DSCAM: variants seen among roughly 807,000 people sequenced by gnomAD.
DSCAM encodes the protein DS cell adhesion molecule.
A neutral mutation model predicts 217.7 loss-of-function variants in DSCAM; 47 were observed. That is an observed-to-expected ratio of 0.22 (90% CI 0.17 to 0.28). The LOEUF is 0.28. DSCAM is among the 10% of genes least tolerant of loss of function. The pLI, the probability that DSCAM is intolerant of heterozygous loss-of-function variation, is 1.00. For synonymous variants in DSCAM, 1,056 were observed against 1,015.3 expected, an observed-to-expected ratio of 1.04 and a Z score of -0.76; for missense variants, 2,080 against 2,618.3, an observed-to-expected ratio of 0.79 and a Z score of 4.49.
At chr21:40,263,623 T>C (rs1462616892) in intron 11 of DSCAM, among the ~76,000 whole-genome samples, 1 of 152,054 alleles carries the variant, frequency 6.6e-6, no homozygotes, top group African/African-American at 2.4e-5. Flanking sequence ...AGATCAGAAG[T>C]TGACAACCTA....
intron 21 of DSCAM, among the ~76,000 whole-genome samples, chr21:40,092,050 A>G (rs2089617444): frequency 6.6e-6 from 1 of 152,148 alleles, no homozygotes; most frequent in Non-Finnish European, 1.5e-5. Context: ...AACCATCTCA[A>G]AAGACTCCTC....
At chr21:40,434,170 G>A (rs988579694) in intron 3 of DSCAM, among the ~76,000 whole-genome samples, 83 of 152,114 alleles carry the variant, frequency 5.5e-4, no homozygotes, top group Non-Finnish European at 4.9e-4. Flanking sequence ...ACATGATCAC[G>A]TGGTGGCAGA....
chr21:40,735,244 C>G (rs894741097), intron 1 of DSCAM, among the ~76,000 whole-genome samples: 2 of 152,186 alleles, frequency 1.3e-5, no homozygotes, highest in Non-Finnish European at 2.9e-5. Context: ...GGCACTGATA[C>G]AAGCTAGATG....
intron 3 of DSCAM, among the ~76,000 whole-genome samples, chr21:40,606,800 C>T (rs1423092560): frequency 6.6e-6 from 1 of 152,180 alleles, no homozygotes; most frequent in Non-Finnish European, 1.5e-5. Flanking sequence ...CTTGAATTCC[C>T]ACATATTTTG....
intron 10 of DSCAM, among the ~76,000 whole-genome samples, chr21:40,287,604 A>G (rs1180629157): frequency 6.6e-6 from 1 of 152,200 alleles, no homozygotes; most frequent in Non-Finnish European, 1.5e-5. Flanking sequence ...CGTTTAGTTA[A>G]CTGTCTGGAG....
intron 3 of DSCAM, among the ~76,000 whole-genome samples, chr21:40,406,452 C>G (rs528631246): frequency 6.6e-6 from 1 of 152,168 alleles, no homozygotes; most frequent in Non-Finnish European, 1.5e-5. Context: ...CCATGAAATA[C>G]AACTCAGCCT....
intron 20 of DSCAM, among the ~76,000 whole-genome samples, chr21:40,110,811 A>T (rs1364251291): frequency 6.6e-6 from 1 of 152,256 alleles, no homozygotes; most frequent in Non-Finnish European, 1.5e-5. Flanking sequence ...AAGAAAGGGT[A>T]TCAGTGATGG....
chr21:40,298,100 T>TTTTTTTTA (rs2073975331), intron 9 of DSCAM, among the ~76,000 whole-genome samples: 3 of 151,138 alleles, frequency 2.0e-5, no homozygotes, highest in South Asian at 2.1e-4. Context: ...TTTTTTTTTT[T>TTTTTTTTA]GAGATGGAGT....
At chr21:40,804,820 C>T (rs887390118) in intron 1 of DSCAM, among the ~76,000 whole-genome samples, 3 of 152,100 alleles carry the variant, frequency 2.0e-5, no homozygotes, top group African/African-American at 7.2e-5. Flanking sequence ...GTCAACATTC[C>T]CCTCCATCTA....
At chr21:40,377,744 C>T (rs943549072) in intron 3 of DSCAM, among the ~76,000 whole-genome samples, 1 of 151,944 alleles carries the variant, frequency 6.6e-6, no homozygotes, top group Admixed American at 6.6e-5. Flanking sequence ...CAAGAAAAGA[C>T]CCAGGAAAGG....
Position 40,180,458 on chromosome 21 carries a change from A to G in DSCAM, c.2780-1364T>C, listed in dbSNP as rs561753355. On this transcript the variant is annotated intron_variant, in intron 14 of 32. Coordinates refer to ENST00000400454, the MANE Select transcript of DSCAM (RefSeq NM_001389.5). ...TTAGAGGTGGAAAAACATGAAATAC[A>G]AAGAGTTGGAAAAAAATTGACAAGG... is the stretch of plus-strand genomic sequence containing the variant. Among the ~76,000 whole-genome samples, 4 of 152,328 alleles carry G rather than the reference A, an allele frequency of 2.6e-5. No individual in the cohort carries two copies. In the East Asian group the frequency reaches 7.7e-4, roughly 29 times the overall value.
At position 40,570,357 on chromosome 21, in the gene DSCAM, A is replaced by ACAGCC. The variant is rs1330756768; in HGVS notation, c.508+122448_508+122452dup. On this transcript the variant is annotated intron_variant, in intron 3 of 32. Coordinates refer to ENST00000400454, the MANE Select transcript of DSCAM (RefSeq NM_001389.5). Reference sequence around the variant, plus strand: ...TCCTAACTCTGCAACAGAGCCCAGCACAGCCCAGCCACATGTCAGATTGAC... The same window carrying ACAGCC: ...TCCTAACTCTGCAACAGAGCCCAGCACAGCCCAGCCCAGCCACATGTCAGATTGAC... Among the ~76,000 whole-genome samples the ACAGCC allele has an allele frequency of 2.0e-5, 3 of 152,226 alleles. No individual in the cohort carries two copies. The East Asian group carries it at 5.8e-4, about 29-fold the overall frequency.
intron 9 of DSCAM, among the ~76,000 whole-genome samples, chr21:40,297,096 G>A (rs1644338115): frequency 6.6e-6 from 1 of 152,016 alleles, no homozygotes; most frequent in Non-Finnish European, 1.5e-5. Context: ...GGCCAAAGGG[G>A]GACTGTGGAG....
chr21:40,037,591 C>T lies in DSCAM; in HGVS notation c.5686+4780G>A, dbSNP rs920246734. 3.0e-4 allele frequency among the ~76,000 whole-genome samples: 44 copies of T among 149,124 alleles called. 1 individual carries two copies. The highest frequency in any genetic ancestry group is 7.7e-5 in the African/African-American group (3 of 38,820). ...AATATCGTGAAAATGGCCATACTGC[C>T]CAAGGTAATTTACAGATTCAATGCC... On this transcript the variant is annotated intron_variant, in intron 32 of 32. Coordinates refer to ENST00000400454, the MANE Select transcript of DSCAM (RefSeq NM_001389.5).
At chr21:40,197,408 G>A (rs9984879) in intron 11 of DSCAM, among the ~76,000 whole-genome samples, 66,494 of 151,642 alleles carry the variant, frequency 0.44, 14,577 homozygotes, top group South Asian at 0.48. Flanking sequence ...GTGAGCCACC[G>A]CGCCCAGCCT....
intron 1 of DSCAM, among the ~76,000 whole-genome samples, chr21:40,799,900 C>T (rs1328511945): frequency 6.6e-6 from 1 of 152,200 alleles, no homozygotes; most frequent in Non-Finnish European, 1.5e-5. Flanking sequence ...CAGTACACTG[C>T]TTTGGTTTGA....
intron 32 of DSCAM, among the ~76,000 whole-genome samples, chr21:40,018,470 C>G (rs1301894141): frequency 1.3e-5 from 2 of 152,088 alleles, no homozygotes; most frequent in Non-Finnish European, 2.9e-5. Context: ...GCCTCATGCT[C>G]TTTCTGAGAC....
At chr21:40,409,824 T>A (rs1002541347) in intron 3 of DSCAM, among the ~76,000 whole-genome samples, 3 of 152,146 alleles carry the variant, frequency 2.0e-5, no homozygotes, top group Non-Finnish European at 2.9e-5. Flanking sequence ...CAAGGCTTGA[T>A]GGAATCATAT....
At chr21:40,134,685 C>T (rs385934) in intron 18 of DSCAM, among the ~76,000 whole-genome samples, 66,313 of 151,978 alleles carry the variant, frequency 0.44, 15,180 homozygotes, top group South Asian at 0.62. Flanking sequence ...ATGGTGGACC[C>T]GCTGTTAATT....
Sources: gnomAD v4.1 joint callset for allele counts (sites outside exome capture counted in the v4.1 genomes callset) on GRCh38, gnomAD v4.1.1 for gene constraint, MANE v1.5 for transcripts, NCBI Gene and HGNC (gene_info 2026-07-23, HGNC 2026-07-21) for gene names.